ACADM: variants seen among roughly 807,000 people sequenced by gnomAD.
ACADM encodes acyl-CoA dehydrogenase medium chain, also known as medium-chain specific acyl-CoA dehydrogenase, mitochondrial.
ACADM carries 49 observed loss-of-function variants against 58.9 expected under a neutral mutation model. That is an observed-to-expected ratio of 0.83 (90% CI 0.66 to 1.06). ACADM has a LOEUF of 1.06. Ranked by LOEUF, ACADM falls within the 50% of genes least tolerant of loss-of-function variation. The pLI, the probability that ACADM is intolerant of heterozygous loss-of-function variation, is 0.00. For missense variants in ACADM, 496 were observed against 507.0 expected, an observed-to-expected ratio of 0.98 and a Z score of 0.21; for synonymous variants, 160 against 157.7, an observed-to-expected ratio of 1.01 and a Z score of -0.11.
rs758796888 is a variant in ACADM, at chr1:75,761,100, A to AT, written c.946-15dup. Reference sequence around the variant, plus strand: ...AAGTTTTCTCAATAAATATCCTTTAATTTTTTTCTTTTTAATTCTAGCACC... The same window carrying AT: ...AAGTTTTCTCAATAAATATCCTTTAATTTTTTTTCTTTTTAATTCTAGCACC... On this transcript the variant is annotated intron_variant, in intron 10 of 11. Coordinates refer to ENST00000370841, the MANE Select transcript of ACADM (RefSeq NM_000016.6). 8.7e-6 allele frequency: 14 copies of AT among 1,607,302 alleles called. No homozygotes were observed. The African/African-American group carries it at 9.4e-5, about 11-fold the overall frequency.
intron 2 of ACADM, among the ~76,000 whole-genome samples, chr1:75,730,854 AT>A (rs1341924031): frequency 1.3e-5 from 2 of 152,100 alleles, no homozygotes; most frequent in African/African-American, 4.8e-5. Flanking sequence ...TACCTGCAAG[AT>A]TGCTATCAAC....
intron 8 of ACADM, among the ~76,000 whole-genome samples, chr1:75,749,101 G>T (rs1648056191): frequency 6.6e-6 from 1 of 152,158 alleles, no homozygotes; most frequent in Admixed American, 6.6e-5. Flanking sequence ...TTCAAAATTT[G>T]TGAAACATTG....
At chr1:75,730,278 T>A (rs1450879883) in intron 2 of ACADM, among the ~76,000 whole-genome samples, 1 of 152,184 alleles carries the variant, frequency 6.6e-6, no homozygotes, top group African/African-American at 2.4e-5. Flanking sequence ...GTAAGAGACT[T>A]GCAGGAGAAA....
At chr1:75,753,732 A>T (rs1322054612) in intron 10 of ACADM, among the ~76,000 whole-genome samples, 1 of 149,386 alleles carries the variant, frequency 6.7e-6, no homozygotes, top group East Asian at 1.9e-4. Flanking sequence ...ATAGTCTTTT[A>T]TCATTTGATT....
rs985498228 is a variant in ACADM, at chr1:75,743,470, C to T, written c.600-2336C>T. The stretch of plus-strand genomic sequence containing the variant: ...ATCCTCTACCGCTGCCTTGATTTTG[C>T]GGAGGAAAGTCACAGCCTCTCTGCC... On this transcript the variant is annotated intron_variant, in intron 7 of 11. Transcript: ENST00000370841. The T allele has an allele frequency of 1.1e-4, 180 of 1,611,414 alleles. 1 individual carries two copies. Among genetic ancestry groups the T allele is most frequent in the Non-Finnish European group, 1.4e-4 (167 of 1,177,968 alleles).
intron 2 of ACADM, among the ~76,000 whole-genome samples, chr1:75,732,224 CTGAG>C (rs1382315459): frequency 2.0e-5 from 3 of 151,858 alleles, no homozygotes; most frequent in African/African-American, 4.8e-5. Flanking sequence ...CTTTATGTCA[CTGAG>C]TGTGTTTCAT....
intron 7 of ACADM, chr1:75,744,183 C>T: frequency 6.4e-7 from 1 of 1,572,464 alleles, no homozygotes; most frequent in Non-Finnish European, 8.8e-7. Context: ...ACTGCAGACA[C>T]AGGTTTGCTA....
intron 7 of ACADM, chr1:75,744,274 G>A: frequency 6.2e-7 from 1 of 1,613,288 alleles, no homozygotes; most frequent in Non-Finnish European, 8.5e-7. Context: ...CGCTGCTATA[G>A]GTTCTGCTTT....
chr1:75,732,082 G>A (rs1339044589), intron 2 of ACADM, among the ~76,000 whole-genome samples: 1 of 151,882 alleles, frequency 6.6e-6, no homozygotes, highest in Non-Finnish European at 1.5e-5. Context: ...AGGCCAGGAG[G>A]TCGAGGCTAC....
intron 10 of ACADM, among the ~76,000 whole-genome samples, chr1:75,755,486 C>T (rs776383617): frequency 6.6e-6 from 1 of 152,176 alleles, no homozygotes; most frequent in Non-Finnish European, 1.5e-5. Context: ...CTGGTGATAC[C>T]CAGGCAAAGA....
rs558600430 is a variant in ACADM, at chr1:75,727,548, C to T, written c.31-853C>T. 2.0e-5 allele frequency among the ~76,000 whole-genome samples: 3 copies of T among 152,220 alleles called. No homozygotes were observed. The South Asian group carries it at 6.2e-4, about 32-fold the overall frequency. ...AATTTTTACTTTTGTATCCATTAAA[C>T]TGTCATGAATATAAAAATGGGTTGC... On this transcript the variant is annotated intron_variant, in intron 1 of 11. Coordinates refer to ENST00000370841, the MANE Select transcript of ACADM (RefSeq NM_000016.6).
chr1:75,734,450 C>T (rs780042754), intron 5 of ACADM, among the ~76,000 whole-genome samples: 4 of 151,750 alleles, frequency 2.6e-5, no homozygotes, highest in Non-Finnish European at 4.4e-5. Flanking sequence ...GCTGGGATTA[C>T]AGGCGTGAGC....
intron 10 of ACADM, among the ~76,000 whole-genome samples, chr1:75,759,471 A>G (rs1648699754): frequency 6.6e-6 from 1 of 152,180 alleles, no homozygotes; most frequent in Non-Finnish European, 1.5e-5. Context: ...TTTCCATCCT[A>G]TAACATATCT....
At chr1:75,736,463 C>A (rs1318470315) in intron 6 of ACADM, among the ~76,000 whole-genome samples, 1 of 151,840 alleles carries the variant, frequency 6.6e-6, no homozygotes, top group Admixed American at 6.6e-5. Context: ...TTTTTTTTAA[C>A]AATTGAGAGG....
intron 10 of ACADM, among the ~76,000 whole-genome samples, chr1:75,753,919 C>A (rs931998197): frequency 1.5e-4 from 22 of 147,768 alleles, no homozygotes; most frequent in African/African-American, 5.5e-4. Flanking sequence ...CCTTAGCCTC[C>A]TGAGTAGCTG....
chr1:75,731,659 T>C (rs969277390), intron 2 of ACADM, among the ~76,000 whole-genome samples: 4 of 152,214 alleles, frequency 2.6e-5, no homozygotes, highest in Admixed American at 6.5e-5. Context: ...TTTTATGTTA[T>C]TATCTTTTGA....
chr1:75,740,174 C>G (rs1647490202), intron 7 of ACADM, 64 bp downstream of exon 7: 2 of 1,491,326 alleles, frequency 1.3e-6, no homozygotes, highest in Non-Finnish European at 1.9e-6. Flanking sequence ...ATCTCTCTTT[C>G]TTTCTGTATA....
intron 7 of ACADM, chr1:75,743,666 T>C (rs1487903270): frequency 2.7e-6 from 4 of 1,478,042 alleles, no homozygotes; most frequent in Non-Finnish European, 3.8e-6. Flanking sequence ...CCATTGCTAA[T>C]GGTGAAGGTA....
rs188294146 is a variant in ACADM, at chr1:75,738,293, G to A, written c.469-1687G>A. ...GGCTGGAGTGCAGTGGCACCATCTCGGCTCACTGCAACCTCCACCTCCCAG... is the reference window on the plus strand; with the variant it reads ...GGCTGGAGTGCAGTGGCACCATCTCAGCTCACTGCAACCTCCACCTCCCAG... On this transcript the variant is annotated intron_variant, in intron 6 of 11. Transcript: ENST00000370841. Among the ~76,000 whole-genome samples, 543 of 151,534 alleles carry A rather than the reference G, an allele frequency of 3.6e-3. 6 individuals carry two copies. The highest frequency in any genetic ancestry group is 0.012 in the African/African-American group (508 of 41,284).
Sources: gnomAD v4.1 joint callset for allele counts (sites outside exome capture counted in the v4.1 genomes callset) on GRCh38, gnomAD v4.1.1 for gene constraint, MANE v1.5 for transcripts, NCBI Gene and HGNC (gene_info 2026-07-23, HGNC 2026-07-21) for gene names.